LRCH3: variants seen among roughly 807,000 people sequenced by gnomAD.
LRCH3 encodes the protein DISP complex protein LRCH3.
In LRCH3, 68 loss-of-function variants were observed where a neutral mutation model predicts 104.5. The ratio of observed to expected loss-of-function variants is 0.65; its 90% CI spans 0.54 to 0.80. LRCH3 has a LOEUF of 0.80. Among genes scored for constraint, LRCH3 ranks in the 30% least tolerant of loss-of-function variants. The probability of loss-of-function intolerance (pLI) is 0.00; values close to 1 mark genes in which losing one functional copy is unlikely to be tolerated. For synonymous variants in LRCH3, 344 were observed against 361.3 expected (o/e 0.95, Z 0.54); for missense variants, 951 against 953.9 (o/e 1.00, Z 0.04).
At chr3:197,855,306 T>C (rs1210776023) in intron 14 of LRCH3, among the ~76,000 whole-genome samples, 4 of 152,230 alleles carry the variant, frequency 2.6e-5, no homozygotes, top group Non-Finnish European at 5.9e-5. Context: ...GGCGGTCTTA[T>C]AGGTGAATAC....
intron 20 of LRCH3, chr3:197,882,827 A>G: frequency 2.0e-6 from 2 of 985,422 alleles, no homozygotes; most frequent in African/African-American, 1.7e-5. Flanking sequence ...CTAAGCTTAC[A>G]TAGTAGTTCC....
In LRCH3 at chr3:197,847,419, G is replaced by A; in HGVS notation, c.1339G>A (p.Glu447Lys). The stretch of plus-strand genomic sequence containing the variant: ...TCTTTTTTGGGTCAGGGTTCCAGCT[G>A]AGCCATCTTCCCTCCTGTCACTATC... ...RYLHQNRVPAEPSSLLSLSAS... is the reference protein window; with the variant it reads ...RYLHQNRVPAKPSSLLSLSAS... Residue 447 changes from glutamate (E) to lysine (K), a missense_variant, in exon 11 of 21, where the codon GAG becomes AAG. Transcript: ENST00000425562. The A allele has an allele frequency of 6.3e-7, 1 of 1,597,274 alleles. No homozygotes were observed. The highest frequency in any genetic ancestry group is 8.5e-7 in the Non-Finnish European group (1 of 1,173,628).
At chr3:197,848,203 T>G (rs1009488982) in intron 12 of LRCH3, 182 bp downstream of exon 12, 4 of 577,886 alleles carry the variant, frequency 6.9e-6, no homozygotes, top group Non-Finnish European at 1.2e-5. Flanking sequence ...AACAAGTGAT[T>G]ATCTTGTTAA....
chr3:197,827,033 A>C lies in LRCH3; in HGVS notation c.777+19A>C. The C allele has an allele frequency of 6.4e-7, 1 of 1,555,236 alleles. No individual in the cohort carries two copies. The highest frequency in any genetic ancestry group is 8.6e-7 in the Non-Finnish European group (1 of 1,156,086). ...TGCACAGGTAAACCATAGTGGAAGC[A>C]TCAGGTAAACCATGGTGGAAGCATC... On this transcript the variant is annotated intron_variant, in intron 5 of 20. Coordinates refer to ENST00000425562, the MANE Select transcript of LRCH3 (RefSeq NM_001365715.1).
rs942551813 is a variant in LRCH3 at position 197,850,441 on chromosome 3, G to A, written c.1531-2120G>A. 70 of 1,542,984 alleles carry A rather than the reference G, an allele frequency of 4.5e-5. No individual in the cohort carries two copies. In the African/African-American group the frequency reaches 9.3e-4, roughly 21 times the overall value. ...AGTTTTTGTTTCTTCAGTTTCTTCT[G>A]GGATATCTTTTTCTTCTGGGCAACC... On this transcript the variant is annotated intron_variant, in intron 12 of 20. Coordinates refer to ENST00000425562, the MANE Select transcript of LRCH3 (RefSeq NM_001365715.1).
At chr3:197,823,463 A>T (rs145312715) in intron 4 of LRCH3, 27 of 152,010 alleles carry the variant, frequency 1.8e-4, no homozygotes, top group African/African-American at 5.6e-4. Context: ...TCAATGGCCA[A>T]AAGTATGTAC....
intron 17 of LRCH3, among the ~76,000 whole-genome samples, chr3:197,869,550 C>T (rs55838602): frequency 4.6e-4 from 67 of 146,838 alleles, no homozygotes; most frequent in African/African-American, 1.7e-3. Context: ...AGGTAGAAAG[C>T]GATGCACTGT....
At chr3:197,827,227 C>CCATGGTGGAAGCATCAGATAAAT (rs746328319) in intron 5 of LRCH3, among the ~76,000 whole-genome samples, 1,987 of 148,186 alleles carry the variant, frequency 0.013, 62 homozygotes, top group East Asian at 0.028. Flanking sequence ...ATCAGGTAAA[C>CCATGGTGGAAGCATCAGATAAAT]CATGGTGGAA....
At position 197,828,790 on chromosome 3, in the gene LRCH3, C is replaced by G. The variant is rs760735289; in HGVS notation, c.778-774C>G. Among the ~76,000 whole-genome samples the G allele has an allele frequency of 4.0e-5, 6 of 150,116 alleles. No homozygotes were observed. In the South Asian group the frequency reaches 8.5e-4, roughly 21 times the overall value. On this transcript the variant is annotated intron_variant, in intron 5 of 20. Transcript: ENST00000425562. The stretch of plus-strand genomic sequence containing the variant: ...TGGTGCGATCTCGGCTTACTGCAGC[C>G]TCCGCCTCCTGGGTTCAAGCGATTC...
intron 1 of LRCH3, among the ~76,000 whole-genome samples, chr3:197,809,353 G>A (rs576225373): frequency 6.6e-6 from 1 of 152,042 alleles, no homozygotes; most frequent in Admixed American, 6.5e-5. Context: ...TTTGGCTATA[G>A]TGTGTCTTGT....
At chr3:197,795,609 C>T (rs1731100463) in intron 1 of LRCH3, among the ~76,000 whole-genome samples, 1 of 150,684 alleles carries the variant, frequency 6.6e-6, no homozygotes, top group African/African-American at 2.4e-5. Flanking sequence ...TGCCTAAAGT[C>T]AGTGCTATCT....
At chr3:197,867,091 A>G (rs1247246230) in intron 17 of LRCH3, among the ~76,000 whole-genome samples, 2 of 152,126 alleles carry the variant, frequency 1.3e-5, no homozygotes, top group East Asian at 1.9e-4. Context: ...CCTGGCCAAC[A>G]TGGCGAAACC....
chr3:197,792,932 G>A (rs1730786769), intron 1 of LRCH3, among the ~76,000 whole-genome samples: 2 of 152,014 alleles, frequency 1.3e-5, no homozygotes, highest in African/African-American at 4.8e-5. Flanking sequence ...GATTACAGGC[G>A]TGAGCCACCG....
chr3:197,871,687 G>T, intron 19 of LRCH3: 2 of 429,596 alleles, frequency 4.7e-6, no homozygotes, highest in Non-Finnish European at 3.9e-6. Context: ...GTGTTATAGG[G>T]ATATAAAAAG....
rs1481733661 is a variant in LRCH3 at position 197,829,788 on chromosome 3, G to A, written c.887+115G>A. On this transcript the variant is annotated intron_variant, in intron 6 of 20. Transcript: ENST00000425562. ...AAGGGAAATAACCTGTTTTAACACT[G>A]TTATTCTCAGAATGCTTGTATTGTA... The A allele has an allele frequency of 5.9e-6, 4 of 683,700 alleles. No homozygotes were observed. In the South Asian group the frequency reaches 6.0e-5, roughly 10 times the overall value. 42.4% of individuals were successfully genotyped at this position (683,700 alleles called of 1,614,324 possible).
chr3:197,885,317 C>G lies in LRCH3; in HGVS notation c.*1651C>G, dbSNP rs1165384251. The G allele has an allele frequency of 6.6e-6, 1 of 152,246 alleles. No individual in the cohort carries two copies. The highest frequency in any genetic ancestry group is 2.4e-5 in the African/African-American group (1 of 41,442). The allele number at this position is 152,246 out of a possible 1,614,324, so 9.4% of individuals were successfully genotyped here. The stretch of plus-strand genomic sequence containing the variant: ...TTCTGTGGCTGAATTTAAGCACTTA[C>G]AGCATCTTCCTAGCTGGGTGTGGTG... On this transcript the variant is annotated 3_prime_UTR_variant, in exon 21 of 21. Coordinates refer to ENST00000425562, the MANE Select transcript of LRCH3 (RefSeq NM_001365715.1).
intron 1 of LRCH3, among the ~76,000 whole-genome samples, chr3:197,801,994 G>C (rs924478627): frequency 1.2e-4 from 19 of 152,230 alleles, no homozygotes; most frequent in African/African-American, 4.6e-4. Flanking sequence ...CTCAGGTCCT[G>C]GATGCCACTT....
In LRCH3 at chr3:197,882,744, T is replaced by TAAGG. The variant is rs1713892676; in HGVS notation, c.2209-793_2209-790dup. 10 of 985,298 alleles carry TAAGG rather than the reference T, an allele frequency of 1.0e-5. No individual in the cohort carries two copies. In the South Asian group the frequency reaches 4.7e-4, roughly 46 times the overall value. 61.0% of individuals were successfully genotyped at this position (985,298 alleles called of 1,614,324 possible). A position where few individuals can be genotyped will look rare whatever the true frequency, so the allele number is the denominator to read the frequency against. ...CCTAACAAATTAACGATGCACACAT[T>TAAGG]AAGGAAGCGTTTAACTTCCTCAAGC... On this transcript the variant is annotated intron_variant, in intron 20 of 20. Coordinates refer to ENST00000425562, the MANE Select transcript of LRCH3 (RefSeq NM_001365715.1).
chr3:197,824,158 G>A (rs1162874805), intron 4 of LRCH3, among the ~76,000 whole-genome samples: 5 of 151,182 alleles, frequency 3.3e-5, no homozygotes, highest in Non-Finnish European at 7.4e-5. Flanking sequence ...TCCGCCTCTC[G>A]GGTTCAAGCA....
Sources: gnomAD v4.1 joint callset for allele counts (sites outside exome capture counted in the v4.1 genomes callset) on GRCh38, gnomAD v4.1.1 for gene constraint, MANE v1.5 for transcripts, NCBI Gene and HGNC (gene_info 2026-07-23, HGNC 2026-07-21) for gene names.